Variants in ACER2 observed in about 807,000 individuals in gnomAD.
The protein encoded by ACER2 is alkCDase 2.
ACER2 carries 26 observed loss-of-function variants against 34.7 expected under a neutral mutation model. That is an observed-to-expected ratio of 0.75 (90% CI 0.55 to 1.04). The LOEUF is 1.04. ACER2 is among the 50% of genes least tolerant of loss of function. The pLI, the probability that ACER2 is intolerant of heterozygous loss-of-function variation, is 0.00. For synonymous variants in ACER2, 138 were observed against 132.1 expected (o/e 1.04, Z -0.31); for missense variants, 352 against 340.8 (o/e 1.03, Z -0.26).
chr9:19,415,982 G>A (rs539373888), intron 1 of ACER2, among the ~76,000 whole-genome samples: 2 of 151,842 alleles, frequency 1.3e-5, no homozygotes, highest in Non-Finnish European at 2.9e-5. Flanking sequence ...TGACATATAC[G>A]TACCTATTCA....
chr9:19,430,966 CAAAAA>C (rs1469222499), intron 3 of ACER2, among the ~76,000 whole-genome samples: 2 of 150,888 alleles, frequency 1.3e-5, no homozygotes, highest in African/African-American at 4.9e-5. Flanking sequence ...TCAAAAAAAA[CAAAAA>C]AACAAAAAAC....
Position 19,412,867 on chromosome 9 carries a change from T to C in ACER2, c.108+3675T>C, listed in dbSNP as rs570385495. ...TAATGGATTGATCATAATTTATTTA[T>C]CTAATCAATCCTTATTGATGGACAT... On this transcript the variant is annotated intron_variant, in intron 1 of 5. Coordinates refer to ENST00000340967, the MANE Select transcript of ACER2 (RefSeq NM_001010887.3). Among the ~76,000 whole-genome samples, 62 of 152,322 alleles carry C rather than the reference T, an allele frequency of 4.1e-4. No homozygotes were observed. In the South Asian group the frequency reaches 0.012, roughly 30 times the overall value.
intron 2 of ACER2, chr9:19,424,258 G>A (rs1362133866): frequency 1.5e-6 from 1 of 663,322 alleles, no homozygotes; most frequent in Non-Finnish European, 1.9e-6. Flanking sequence ...TGAAACAACT[G>A]AACTCTGGGG....
intron 4 of ACER2, among the ~76,000 whole-genome samples, chr9:19,442,048 A>G (rs1310836551): frequency 6.6e-6 from 1 of 152,180 alleles, no homozygotes; most frequent in Non-Finnish European, 1.5e-5. Context: ...CCTGAGAAGT[A>G]TTTCCATTGT....
intron 4 of ACER2, 53 bp downstream of exon 4, chr9:19,435,137 C>G (rs1029483273): frequency 1.9e-6 from 3 of 1,597,226 alleles, no homozygotes; most frequent in African/African-American, 2.7e-5. Context: ...TGGGAACACA[C>G]CAGTTCGGGG....
rs992445627 is a variant in ACER2 at position 19,450,813 on chromosome 9, C to T, written c.*177C>T. The T allele has an allele frequency of 2.6e-5, 13 of 498,446 alleles. No individual in the cohort carries two copies. Among genetic ancestry groups the T allele is most frequent in the African/African-American group, 2.5e-4 (13 of 51,652 alleles). The allele number at this position is 498,446 out of a possible 1,614,324, so 30.9% of individuals were successfully genotyped here. Reference sequence around the variant, plus strand: ...TTGTATGTAGGGATTTAAACTTTGTCATATGGTACAAATATTCCCTGCCCC... The same window carrying T: ...TTGTATGTAGGGATTTAAACTTTGTTATATGGTACAAATATTCCCTGCCCC... On this transcript the variant is annotated 3_prime_UTR_variant, in exon 6 of 6. Coordinates refer to ENST00000340967, the MANE Select transcript of ACER2 (RefSeq NM_001010887.3).
intron 1 of ACER2, among the ~76,000 whole-genome samples, chr9:19,421,715 A>C (rs771500970): frequency 1.3e-5 from 2 of 152,154 alleles, no homozygotes; most frequent in Non-Finnish European, 2.9e-5. Flanking sequence ...ATGCCACTGA[A>C]TTGTACACTT....
chr9:19,433,444 CAT>C (rs1264389357), intron 3 of ACER2, among the ~76,000 whole-genome samples: 1 of 151,950 alleles, frequency 6.6e-6, no homozygotes, highest in Non-Finnish European at 1.5e-5. Context: ...GGACACAGCA[CAT>C]GTTTCAGAGA....
intron 4 of ACER2, among the ~76,000 whole-genome samples, chr9:19,439,972 C>A (rs1268877547): frequency 6.6e-6 from 1 of 151,924 alleles, no homozygotes; most frequent in Non-Finnish European, 1.5e-5. Flanking sequence ...AAGACTCCAT[C>A]CCCCCGCCCC....
chr9:19,431,430 TAC>T (rs1370018711), intron 3 of ACER2, among the ~76,000 whole-genome samples: 1 of 152,214 alleles, frequency 6.6e-6, no homozygotes, highest in Admixed American at 6.5e-5. Context: ...AACCGCTGGG[TAC>T]AGAGAGGTGA....
chr9:19,449,045 G>A (rs1211485817), intron 5 of ACER2, among the ~76,000 whole-genome samples: 1 of 152,178 alleles, frequency 6.6e-6, no homozygotes, highest in Non-Finnish European at 1.5e-5. Flanking sequence ...CAGGAGAATC[G>A]TTTGAACCTG....
At chr9:19,420,860 C>G (rs1300236828) in intron 1 of ACER2, among the ~76,000 whole-genome samples, 1 of 152,146 alleles carries the variant, frequency 6.6e-6, no homozygotes, top group Non-Finnish European at 1.5e-5. Flanking sequence ...CTCCCTCAGA[C>G]CTCTGTTAGA....
chr9:19,410,014 A>G (rs772209006), intron 1 of ACER2: 19 of 842,444 alleles, frequency 2.3e-5, no homozygotes, highest in East Asian at 1.2e-4. Flanking sequence ...GTGTATGTCC[A>G]TGGCTCAGAA....
intron 3 of ACER2, among the ~76,000 whole-genome samples, chr9:19,431,443 TGCACTTTGGGTACAGAGAGGTGAC>T (rs1830750623): frequency 6.6e-6 from 1 of 152,206 alleles, no homozygotes; most frequent in African/African-American, 2.4e-5. Flanking sequence ...AGAGAGGTGA[TGCACTTTGGGTACAGAGAGGTGAC>T]GCACTCTGGA....
At chr9:19,441,353 C>G (rs529425938) in intron 4 of ACER2, among the ~76,000 whole-genome samples, 11 of 152,164 alleles carry the variant, frequency 7.2e-5, no homozygotes, top group Middle Eastern at 3.4e-3. Context: ...CAGCCCTGAG[C>G]ACAGTCATTT....
Position 19,433,651 on chromosome 9 carries a change from T to G in ACER2, c.366-1296T>G, listed in dbSNP as rs376166967. ...AAGCCACCATTGTCATCCTGGCCCGTTCTCAATGAGCTGTTGGGCACACCT... is the reference window on the plus strand; with the variant it reads ...AAGCCACCATTGTCATCCTGGCCCGGTCTCAATGAGCTGTTGGGCACACCT... On this transcript the variant is annotated intron_variant, in intron 3 of 5. Coordinates refer to ENST00000340967, the MANE Select transcript of ACER2 (RefSeq NM_001010887.3). Among the ~76,000 whole-genome samples, 115 of 152,380 alleles carry G rather than the reference T, an allele frequency of 7.5e-4. 2 individuals are homozygous for G. In the South Asian group the frequency reaches 0.023, roughly 30 times the overall value.
At chr9:19,413,190 A>G (rs549207493) in intron 1 of ACER2, among the ~76,000 whole-genome samples, 1 of 152,326 alleles carries the variant, frequency 6.6e-6, no homozygotes, top group Admixed American at 6.5e-5. Context: ...GCCAAGCCTA[A>G]TATCTCTTCC....
intron 1 of ACER2, among the ~76,000 whole-genome samples, chr9:19,417,268 G>T (rs1830266911): frequency 6.6e-6 from 1 of 152,140 alleles, no homozygotes; most frequent in Admixed American, 6.5e-5. Flanking sequence ...TGGAAAGGAA[G>T]AATCAAAATC....
At chr9:19,443,539 A>C (rs1020764118) in intron 4 of ACER2, among the ~76,000 whole-genome samples, 1 of 152,224 alleles carries the variant, frequency 6.6e-6, no homozygotes, top group Admixed American at 6.5e-5. Flanking sequence ...ATTTATGCAT[A>C]ATTTTATCCA....
Sources: allele counts gnomAD v4.1 joint callset (sites outside exome capture counted in the v4.1 genomes callset), GRCh38; gene constraint gnomAD v4.1.1; transcripts MANE v1.5; gene names NCBI Gene and HGNC (gene_info 2026-07-23, HGNC 2026-07-21).